Variants in BBS9 observed in about 807,000 individuals in gnomAD.
The protein encoded by BBS9 is protein PTHB1.
In BBS9, 89 loss-of-function variants were observed where a neutral mutation model predicts 117.7. The observed-to-expected ratio is 0.76, with a 90% CI of 0.64 to 0.90. The LOEUF (loss-of-function observed/expected upper bound fraction) is 0.90. Ranked by LOEUF, BBS9 falls within the 40% of genes least tolerant of loss-of-function variation. The probability of loss-of-function intolerance (pLI) is 0.00; values close to 1 mark genes in which losing one functional copy is unlikely to be tolerated. For missense variants in BBS9, 982 were observed against 1,042.2 expected (o/e 0.94, Z 0.80); for synonymous variants, 379 against 370.9 (o/e 1.02, Z -0.25).
intron 19 of BBS9, among the ~76,000 whole-genome samples, chr7:33,393,352 C>T (rs1280263812): frequency 2.6e-5 from 4 of 152,154 alleles, no homozygotes; most frequent in Non-Finnish European, 4.4e-5. Context: ...TTAGCTTTGT[C>T]CAGTACTGGC....
chr7:33,290,915 A>G (rs1803920725), intron 9 of BBS9, among the ~76,000 whole-genome samples: 1 of 152,194 alleles, frequency 6.6e-6, no homozygotes, highest in Non-Finnish European at 1.5e-5. Context: ...GGAAATGTGT[A>G]TTGCTGTTTC....
At chr7:33,266,408 G>T (rs1455308266) in intron 7 of BBS9, among the ~76,000 whole-genome samples, 1 of 152,050 alleles carries the variant, frequency 6.6e-6, no homozygotes, top group African/African-American at 2.4e-5. Context: ...TTTATTGATT[G>T]ATTTCTATTT....
At chr7:33,353,227 AAAG>A (rs1818997047) in intron 15 of BBS9, among the ~76,000 whole-genome samples, 1 of 152,228 alleles carries the variant, frequency 6.6e-6, no homozygotes, top group South Asian at 2.1e-4. Context: ...GAGTTTAAAA[AAAG>A]TGTTTGTCAC....
intron 9 of BBS9, among the ~76,000 whole-genome samples, chr7:33,327,270 T>C (rs192139911): frequency 6.6e-6 from 1 of 152,274 alleles, no homozygotes; most frequent in Non-Finnish European, 1.5e-5. Flanking sequence ...GAGCTTTTGT[T>C]ATGAGTGCCA....
intron 19 of BBS9, among the ~76,000 whole-genome samples, chr7:33,435,706 A>T (rs1835205095): frequency 6.6e-6 from 1 of 152,228 alleles, no homozygotes; most frequent in Non-Finnish European, 1.5e-5. Flanking sequence ...AATCACAATA[A>T]TGAAGATAAT....
At chr7:33,178,263 A>G (rs986741084) in intron 5 of BBS9, among the ~76,000 whole-genome samples, 13 of 152,210 alleles carry the variant, frequency 8.5e-5, no homozygotes, top group African/African-American at 2.9e-4. Flanking sequence ...ATCTACCCAG[A>G]GGAAGGGGTG....
At chr7:33,573,536 A>G (rs1042074700) in intron 21 of BBS9, among the ~76,000 whole-genome samples, 1 of 152,158 alleles carries the variant, frequency 6.6e-6, no homozygotes, top group Non-Finnish European at 1.5e-5. Context: ...TGGATATACC[A>G]TAGTTTATTC....
At chr7:33,416,236 A>G (rs983971525) in intron 19 of BBS9, among the ~76,000 whole-genome samples, 1 of 151,430 alleles carries the variant, frequency 6.6e-6, no homozygotes, top group African/African-American at 2.4e-5. Flanking sequence ...GCCATACGGG[A>G]CCTGCATTTC....
At chr7:33,395,266 T>C (rs1584642181) in intron 19 of BBS9, among the ~76,000 whole-genome samples, 1 of 152,206 alleles carries the variant, frequency 6.6e-6, no homozygotes, top group African/African-American at 2.4e-5. Flanking sequence ...ATTTCACTTA[T>C]ACCTAAGTTT....
At chr7:33,477,165 G>A (rs963984665) in intron 19 of BBS9, among the ~76,000 whole-genome samples, 7 of 152,078 alleles carry the variant, frequency 4.6e-5, no homozygotes, top group African/African-American at 1.4e-4. Context: ...AGTGATTGTT[G>A]GGAAGATTAA....
Position 33,481,156 on chromosome 7 carries a change from G to T in BBS9, c.2116-24307G>T, listed in dbSNP as rs186639757. On this transcript the variant is annotated intron_variant, in intron 19 of 22. Coordinates refer to ENST00000242067, the MANE Select transcript of BBS9 (RefSeq NM_198428.3). Reference sequence around the variant, plus strand: ...GAACTTGTATTTAACCTTGAAGGAAGGGCACACAAGGAGATAGGAAGGACT... The same window carrying T: ...GAACTTGTATTTAACCTTGAAGGAATGGCACACAAGGAGATAGGAAGGACT... Among the ~76,000 whole-genome samples the T allele has an allele frequency of 6.2e-4, 94 of 152,268 alleles. 1 individual carries two copies. Among genetic ancestry groups the T allele is most frequent in the South Asian group, 2.9e-3 (14 of 4,820 alleles).
chr7:33,444,473 T>C (rs1836689699), intron 19 of BBS9, among the ~76,000 whole-genome samples: 1 of 152,212 alleles, frequency 6.6e-6, no homozygotes, highest in Non-Finnish European at 1.5e-5. Flanking sequence ...TCAGTTCATA[T>C]AAATTTGTTG....
At position 33,275,871 on chromosome 7, in the gene BBS9, A is replaced by G. The variant is rs111502223; in HGVS notation, c.1016+1915A>G. 4.5e-4 allele frequency among the ~76,000 whole-genome samples: 69 copies of G among 152,312 alleles called. 2 individuals carry two copies. Among genetic ancestry groups the G allele is most frequent in the African/African-American group, 1.6e-3 (68 of 41,580 alleles). On this transcript the variant is annotated intron_variant, in intron 9 of 22. Transcript: ENST00000242067. ...GCAACTTATGAGTTAACAGTCAATA[A>G]TAACTGAAATATTATGAGTAAAACA...
At chr7:33,310,028 G>GTGTGTCTGCAAGACCTGTACTTTCC (rs1480058809) in intron 9 of BBS9, among the ~76,000 whole-genome samples, 2 of 152,220 alleles carry the variant, frequency 1.3e-5, no homozygotes, top group Non-Finnish European at 2.9e-5. Flanking sequence ...ACAAATATCT[G>GTGTGTCTGCAAGACCTGTACTTTCC]TGTGTCTGCA....
chr7:33,453,520 C>CTT (rs554285058), intron 19 of BBS9, among the ~76,000 whole-genome samples: 9 of 141,822 alleles, frequency 6.3e-5, no homozygotes, highest in Admixed American at 1.4e-4. Flanking sequence ...TTCCTTGTGA[C>CTT]TTTTTTTTTT....
At chr7:33,426,707 A>G (rs984229826) in intron 19 of BBS9, among the ~76,000 whole-genome samples, 1 of 151,966 alleles carries the variant, frequency 6.6e-6, no homozygotes, top group African/African-American at 2.4e-5. Context: ...TATGTTTACT[A>G]TTTCCTTAAT....
At chr7:33,471,368 T>C (rs1841013205) in intron 19 of BBS9, among the ~76,000 whole-genome samples, 1 of 152,202 alleles carries the variant, frequency 6.6e-6, no homozygotes, top group African/African-American at 2.4e-5. Context: ...CATTAGTATT[T>C]CTTGTCTTAG....
chr7:33,287,219 A>C (rs1284523104), intron 9 of BBS9, among the ~76,000 whole-genome samples: 2 of 152,206 alleles, frequency 1.3e-5, no homozygotes, highest in Non-Finnish European at 2.9e-5. Context: ...ATTGCTTGCT[A>C]TGCACTAGCA....
intron 21 of BBS9, among the ~76,000 whole-genome samples, chr7:33,546,998 G>C (rs541207395): frequency 6.5e-4 from 99 of 152,238 alleles, no homozygotes; most frequent in South Asian, 2.5e-3. Flanking sequence ...CACACATATA[G>C]TTCATGCCCA....
Sources: allele counts gnomAD v4.1 joint callset (sites outside exome capture counted in the v4.1 genomes callset), GRCh38; gene constraint gnomAD v4.1.1; transcripts MANE v1.5; gene names NCBI Gene and HGNC (gene_info 2026-07-23, HGNC 2026-07-21).